Variants in YIPF4 observed in about 807,000 individuals in gnomAD.
YIPF4 encodes Yip1 domain family member 4.
In YIPF4, 18 loss-of-function variants were observed where a neutral mutation model predicts 29.4. The ratio of observed to expected loss-of-function variants is 0.61; its 90% CI spans 0.42 to 0.91. The LOEUF is 0.91. Ranked by LOEUF, YIPF4 falls within the 40% of genes least tolerant of loss-of-function variation. The pLI is 0.00. For synonymous variants in YIPF4, 115 were observed against 104.7 expected (o/e 1.10, Z -0.60); for missense variants, 279 against 282.7 (o/e 0.99, Z 0.09).
chr2:32,285,520 T>C (rs145077097), intron 1 of YIPF4, among the ~76,000 whole-genome samples: 1 of 152,348 alleles, frequency 6.6e-6, no homozygotes, highest in East Asian at 1.9e-4. Flanking sequence ...ATCAGTGTTC[T>C]TTTGAGTGAT....
chr2:32,304,438 C>A (rs552789372), intron 5 of YIPF4, among the ~76,000 whole-genome samples: 1 of 150,522 alleles, frequency 6.6e-6, no homozygotes, highest in African/African-American at 2.4e-5. Flanking sequence ...TTAAGTTCAA[C>A]AAACCCAGTG....
intron 1 of YIPF4, among the ~76,000 whole-genome samples, chr2:32,284,607 C>A (rs149104682): frequency 2.0e-5 from 3 of 152,308 alleles, no homozygotes; most frequent in African/African-American, 7.2e-5. Context: ...GCATACCCAG[C>A]CATGCTTCCT....
At chr2:32,299,247 A>G (rs918061936) in intron 4 of YIPF4, among the ~76,000 whole-genome samples, 1 of 152,234 alleles carries the variant, frequency 6.6e-6, no homozygotes, top group African/African-American at 2.4e-5. Flanking sequence ...TAAACCAACT[A>G]CATTTTAACA....
chr2:32,298,119 C>T (rs2031263616), intron 3 of YIPF4, 115 bp from the exon 4 acceptor site: 1 of 749,180 alleles, frequency 1.3e-6, no homozygotes, highest in South Asian at 1.6e-5. Context: ...CATAATCTCT[C>T]TATGACCTGA....
chr2:32,287,536 C>T (rs368573095), intron 1 of YIPF4, among the ~76,000 whole-genome samples: 6 of 152,270 alleles, frequency 3.9e-5, no homozygotes, highest in Admixed American at 1.3e-4. Context: ...TCACAGAAAT[C>T]GGGAACTTGT....
At chr2:32,282,354 AG>A (rs1366628245) in intron 1 of YIPF4, among the ~76,000 whole-genome samples, 3 of 152,218 alleles carry the variant, frequency 2.0e-5, no homozygotes, top group African/African-American at 7.2e-5. Context: ...GTGTATCTGA[AG>A]TATGGAAGAG....
rs931129193 is a variant in YIPF4, at chr2:32,306,214, C to A, written c.*588C>A. 1 of 898,974 alleles carries A rather than the reference C, an allele frequency of 1.1e-6. No homozygotes were observed. The highest frequency in any genetic ancestry group is 6.2e-5 in the Admixed American group (1 of 16,108). The allele number at this position is 898,974 out of a possible 1,614,324, so 55.7% of individuals were successfully genotyped here. On this transcript the variant is annotated 3_prime_UTR_variant, in exon 6 of 6. Transcript: ENST00000238831. ...TAAAATTGTATATAGTTTTTAAAATCTCACACATGCTTCGATACTTCCTTG... is the reference window on the plus strand; with the variant it reads ...TAAAATTGTATATAGTTTTTAAAATATCACACATGCTTCGATACTTCCTTG...
rs1200329846 is a variant in YIPF4, at chr2:32,316,352, T to G, written c.*10726T>G. ...GGGTAAAAAGACCAACTAATATATGTAAAGATGCACAAATTCATTCATGAT... is the reference window on the plus strand; with the variant it reads ...GGGTAAAAAGACCAACTAATATATGGAAAGATGCACAAATTCATTCATGAT... On this transcript the variant is annotated 3_prime_UTR_variant, in exon 6 of 6. Coordinates refer to ENST00000238831, the MANE Select transcript of YIPF4 (RefSeq NM_032312.4). The G allele has an allele frequency of 3.3e-5, 5 of 152,180 alleles. No individual in the cohort carries two copies. Among genetic ancestry groups the G allele is most frequent in the Non-Finnish European group, 5.9e-5 (4 of 68,024 alleles). The allele number at this position is 152,180 out of a possible 1,614,324, so 9.4% of individuals were successfully genotyped here.
chr2:32,298,101 A>G, intron 3 of YIPF4, 133 bp from the exon 4 acceptor site: 1 of 618,998 alleles, frequency 1.6e-6, no homozygotes, highest in South Asian at 2.1e-5. Flanking sequence ...GTAATACCTG[A>G]GAGCCCACAT....
At chr2:32,291,225 GTTTC>G (rs1162061479) in intron 2 of YIPF4, among the ~76,000 whole-genome samples, 2 of 152,204 alleles carry the variant, frequency 1.3e-5, no homozygotes, top group African/African-American at 4.8e-5. Flanking sequence ...AACATCCTGT[GTTTC>G]TTCATGTTAA....
At chr2:32,278,513 A>G (rs538560786) in intron 1 of YIPF4, among the ~76,000 whole-genome samples, 26 of 152,234 alleles carry the variant, frequency 1.7e-4, no homozygotes, top group Admixed American at 1.1e-3. Flanking sequence ...AGTCTCTTCA[A>G]TTGGACCCAC....
rs2148970252 is a variant in YIPF4 at position 32,311,284 on chromosome 2, A to C, written c.*5658A>C. The C allele has an allele frequency of 6.6e-6, 1 of 152,344 alleles. No homozygotes were observed. The highest frequency in any genetic ancestry group is 2.1e-4 in the South Asian group (1 of 4,826). 9.4% of individuals were successfully genotyped at this position (152,344 alleles called of 1,614,324 possible). On this transcript the variant is annotated 3_prime_UTR_variant, in exon 6 of 6. Coordinates refer to ENST00000238831, the MANE Select transcript of YIPF4 (RefSeq NM_032312.4). ...GGTTGTAGTGATTAAAAAATGGTTAAGAGAATGTTCCCTATACAAGGCATA... is the reference window on the plus strand; with the variant it reads ...GGTTGTAGTGATTAAAAAATGGTTACGAGAATGTTCCCTATACAAGGCATA...
chr2:32,287,275 A>G (rs2030717680), intron 1 of YIPF4, among the ~76,000 whole-genome samples: 1 of 152,126 alleles, frequency 6.6e-6, no homozygotes, highest in Non-Finnish European at 1.5e-5. Context: ...AACTCAAATG[A>G]AATAATGAAA....
chr2:32,297,803 T>A (rs941827785), intron 3 of YIPF4, among the ~76,000 whole-genome samples: 2 of 152,090 alleles, frequency 1.3e-5, no homozygotes, highest in Non-Finnish European at 2.9e-5. Context: ...TTACACCAAG[T>A]TTGAGGAGTT....
intron 1 of YIPF4, 88 bp from the exon 2 acceptor site, chr2:32,290,395 A>C (rs2030859265): frequency 9.9e-7 from 1 of 1,014,562 alleles, no homozygotes; most frequent in Non-Finnish European, 1.3e-6. Flanking sequence ...TTCAAATGAT[A>C]ATTATTTTAG....
chr2:32,293,996 T>C (rs1573534865), intron 3 of YIPF4, among the ~76,000 whole-genome samples: 6 of 98,628 alleles, frequency 6.1e-5, no homozygotes, highest in African/African-American at 8.0e-5. Context: ...AGGGGGCTGA[T>C]CCCCCCACCT....
In YIPF4 at chr2:32,308,350, C is replaced by G. The variant is rs1240511979; in HGVS notation, c.*2724C>G. 2 of 152,194 alleles carry G rather than the reference C, an allele frequency of 1.3e-5. No individual in the cohort carries two copies. The highest frequency in any genetic ancestry group is 4.8e-5 in the African/African-American group (2 of 41,444). 9.4% of individuals were successfully genotyped at this position (152,194 alleles called of 1,614,324 possible). A position where few individuals can be genotyped will look rare whatever the true frequency, so the allele number is the denominator to read the frequency against. Reference sequence around the variant, plus strand: ...GGTCTCGATCTCCTGACCTCGTGATCCGCCCGCCTCAGCCTCCCAAAGTGC... The same window carrying G: ...GGTCTCGATCTCCTGACCTCGTGATGCGCCCGCCTCAGCCTCCCAAAGTGC... On this transcript the variant is annotated 3_prime_UTR_variant, in exon 6 of 6. Transcript: ENST00000238831.
In YIPF4 at chr2:32,306,203, G is replaced by A. The variant is rs2031577425; in HGVS notation, c.*577G>A. ...AAATTTGTTTTTAAAATTGTATATA[G>A]TTTTTAAAATCTCACACATGCTTCG... On this transcript the variant is annotated 3_prime_UTR_variant, in exon 6 of 6. Transcript: ENST00000238831. The A allele has an allele frequency of 1.5e-5, 13 of 885,518 alleles. No homozygotes were observed. The highest frequency in any genetic ancestry group is 1.8e-5 in the Non-Finnish European group (13 of 739,124). The allele number at this position is 885,518 out of a possible 1,614,324, so 54.9% of individuals were successfully genotyped here.
chr2:32,293,781 T>C (rs2031028343), intron 3 of YIPF4, among the ~76,000 whole-genome samples: 3 of 135,996 alleles, frequency 2.2e-5, no homozygotes. Context: ...CACTTCCCAG[T>C]AGGGGCGGCT....
Sources: allele counts gnomAD v4.1 joint callset (sites outside exome capture counted in the v4.1 genomes callset), GRCh38; gene constraint gnomAD v4.1.1; transcripts MANE v1.5; gene names NCBI Gene and HGNC (gene_info 2026-07-23, HGNC 2026-07-21).